ZBTB44: variants seen among roughly 807,000 people sequenced by gnomAD.
ZBTB44 encodes the protein zinc finger and BTB domain-containing protein 44.
In ZBTB44, 15 loss-of-function variants were observed where a neutral mutation model predicts 54.0. That is an observed-to-expected ratio of 0.28 (90% CI 0.19 to 0.43). The LOEUF is 0.43. Ranked by LOEUF, ZBTB44 falls within the 20% of genes least tolerant of loss-of-function variation. The probability of loss-of-function intolerance (pLI) is 1.00; values close to 1 mark genes in which losing one functional copy is unlikely to be tolerated. For missense variants in ZBTB44, 487 were observed against 707.1 expected, an observed-to-expected ratio of 0.69 and a Z score of 3.53; for synonymous variants, 230 against 250.1, an observed-to-expected ratio of 0.92 and a Z score of 0.76.
At chr11:130,269,395 G>A (rs1286207469) in intron 1 of ZBTB44, among the ~76,000 whole-genome samples, 1 of 152,170 alleles carries the variant, frequency 6.6e-6, no homozygotes, top group African/African-American at 2.4e-5. Context: ...GTAAAGATCA[G>A]TATTAACTAC....
chr11:130,236,110 A>AT, intron 5 of ZBTB44: 1 of 1,281,592 alleles, frequency 7.8e-7, no homozygotes. Context: ...TAAAGCTTAC[A>AT]TTTTATCTTT....
Position 130,227,303 on chromosome 11 carries a change from A to G in ZBTB44, c.*4461T>C, listed in dbSNP as rs1953727773. On this transcript the variant is annotated 3_prime_UTR_variant, in exon 8 of 8. Transcript: ENST00000357899. ...TTAGCTATGGCCAGTGTCACCAAGTAAAGCCATACTTGAATGAGATGACGA... is the reference window on the plus strand; with the variant it reads ...TTAGCTATGGCCAGTGTCACCAAGTGAAGCCATACTTGAATGAGATGACGA... 6.6e-6 allele frequency: 1 copy of G among 152,194 alleles called. No individual in the cohort carries two copies. Among genetic ancestry groups the G allele is most frequent in the Admixed American group, 6.5e-5 (1 of 15,278 alleles). The allele number at this position is 152,194 out of a possible 1,614,324, so 9.4% of individuals were successfully genotyped here. A position where few individuals can be genotyped will look rare whatever the true frequency, so the allele number is the denominator to read the frequency against.
rs1222800596 is a variant in ZBTB44 at position 130,231,157 on chromosome 11, G to C, written c.*607C>G. On this transcript the variant is annotated 3_prime_UTR_variant, in exon 8 of 8. Transcript: ENST00000357899. Reference sequence around the variant, plus strand: ...TTCAATATGTCCTGGTAAAAATTATGCATCTAGGCATCCCTAAGATGAATT... The same window carrying C: ...TTCAATATGTCCTGGTAAAAATTATCCATCTAGGCATCCCTAAGATGAATT... 1 of 152,002 alleles carries C rather than the reference G, an allele frequency of 6.6e-6. No individual in the cohort carries two copies. The highest frequency in any genetic ancestry group is 2.4e-5 in the African/African-American group (1 of 41,416). The allele number at this position is 152,002 out of a possible 1,614,324, so 9.4% of individuals were successfully genotyped here. A position where few individuals can be genotyped will look rare whatever the true frequency, so the allele number is the denominator to read the frequency against.
intron 1 of ZBTB44, among the ~76,000 whole-genome samples, chr11:130,271,267 T>G (rs1302247467): frequency 1.3e-5 from 2 of 152,186 alleles, no homozygotes; most frequent in African/African-American, 2.4e-5. Context: ...GAAATGATAA[T>G]GTACTTAATC....
rs576860737 is a variant in ZBTB44 at position 130,250,331 on chromosome 11, C to T, written c.1019-10435G>A. Among the ~76,000 whole-genome samples, 9 of 152,292 alleles carry T rather than the reference C, an allele frequency of 5.9e-5. No individual in the cohort carries two copies. In the South Asian group the frequency reaches 6.2e-4, roughly 11 times the overall value. ...ACCTGGGAGAAGGGGCGGCTGTGGG[C>T]GCAGCTTCAGTGGACTTAAACGTCC... On this transcript the variant is annotated intron_variant, in intron 2 of 7. Coordinates refer to ENST00000357899, the MANE Select transcript of ZBTB44 (RefSeq NM_001301098.2).
chr11:130,246,284 C>T (rs1300927167), intron 2 of ZBTB44, among the ~76,000 whole-genome samples: 3 of 152,122 alleles, frequency 2.0e-5, no homozygotes, highest in African/African-American at 7.2e-5. Flanking sequence ...TATATACACA[C>T]ACACATATAT....
chr11:130,255,157 G>T (rs560845831), intron 2 of ZBTB44, among the ~76,000 whole-genome samples: 51 of 152,108 alleles, frequency 3.4e-4, no homozygotes, highest in African/African-American at 1.2e-3. Context: ...ACACCAACAT[G>T]GCACATGTAT....
At chr11:130,306,103 TAATA>T (rs1200035269) in intron 1 of ZBTB44, among the ~76,000 whole-genome samples, 1 of 151,676 alleles carries the variant, frequency 6.6e-6, no homozygotes, top group Non-Finnish European at 1.5e-5. Flanking sequence ...AAATTAAAAA[TAATA>T]AATATTGGCA....
chr11:130,304,472 G>A (rs1019049881), intron 1 of ZBTB44, among the ~76,000 whole-genome samples: 3 of 152,100 alleles, frequency 2.0e-5, no homozygotes, highest in Admixed American at 6.5e-5. Context: ...TTTAATGCTT[G>A]ACCATTTTCA....
At position 130,255,532 on chromosome 11, in the gene ZBTB44, G is replaced by A. The variant is rs557303207; in HGVS notation, c.1018+5324C>T. Among the ~76,000 whole-genome samples, 27 of 152,224 alleles carry A rather than the reference G, an allele frequency of 1.8e-4. No homozygotes were observed. In the South Asian group the frequency reaches 5.0e-3, roughly 28 times the overall value. On this transcript the variant is annotated intron_variant, in intron 2 of 7. Transcript: ENST00000357899. ...GAGCAAACAAATTCAAAAGCTAGCA[G>A]AAGACAAGAAATAACTAAGAACAGA...
intron 1 of ZBTB44, among the ~76,000 whole-genome samples, chr11:130,312,557 A>G (rs1942671682): frequency 6.6e-6 from 1 of 152,238 alleles, no homozygotes; most frequent in East Asian, 1.9e-4. Context: ...AGGAGGGCAC[A>G]AATCCAGAAT....
intron 1 of ZBTB44, among the ~76,000 whole-genome samples, chr11:130,268,373 G>T (rs912528141): frequency 5.3e-5 from 8 of 152,106 alleles, no homozygotes; most frequent in Non-Finnish European, 1.0e-4. Flanking sequence ...CAATATCAAG[G>T]CAAGACCTTC....
intron 1 of ZBTB44, among the ~76,000 whole-genome samples, chr11:130,274,274 A>G (rs962696521): frequency 2.6e-5 from 4 of 152,126 alleles, no homozygotes; most frequent in Non-Finnish European, 5.9e-5. Flanking sequence ...ACATTTTTGG[A>G]TTTGGGATGC....
At chr11:130,269,383 G>A (rs1939507374) in intron 1 of ZBTB44, among the ~76,000 whole-genome samples, 1 of 152,158 alleles carries the variant, frequency 6.6e-6, no homozygotes, top group African/African-American at 2.4e-5. Flanking sequence ...TAAAATTCTT[G>A]AGTAAAGATC....
At chr11:130,235,830 C>T (rs896721713) in intron 5 of ZBTB44, among the ~76,000 whole-genome samples, 1 of 151,974 alleles carries the variant, frequency 6.6e-6, no homozygotes, top group Admixed American at 6.6e-5. Context: ...GGTGAAACCC[C>T]ATCTCTACTA....
Position 130,296,823 on chromosome 11 carries a change from T to C in ZBTB44, c.-57+17552A>G. 2 of 746,970 alleles carry C rather than the reference T, an allele frequency of 2.7e-6. 1 individual carries two copies. The highest frequency in any genetic ancestry group is 2.8e-5 in the South Asian group (2 of 71,934). 46.3% of individuals were successfully genotyped at this position (746,970 alleles called of 1,614,324 possible). ...ATACATATGAGGTTATGATTCCCAT[T>C]CTCTGAAACAGATCTTTAATGTAAA... On this transcript the variant is annotated intron_variant, in intron 1 of 7. Coordinates refer to ENST00000357899, the MANE Select transcript of ZBTB44 (RefSeq NM_001301098.2).
intron 1 of ZBTB44, among the ~76,000 whole-genome samples, chr11:130,298,777 T>C (rs1941820789): frequency 6.6e-6 from 1 of 151,942 alleles, no homozygotes; most frequent in African/African-American, 2.4e-5. Flanking sequence ...TTGAAGATTT[T>C]AATATCACCT....
chr11:130,266,186 G>C (rs1939237103), intron 1 of ZBTB44, among the ~76,000 whole-genome samples: 1 of 152,174 alleles, frequency 6.6e-6, no homozygotes, highest in Admixed American at 6.5e-5. Context: ...TAACGATTAG[G>C]CTCAATCTAT....
chr11:130,278,583 T>G (rs1311540010), intron 1 of ZBTB44, among the ~76,000 whole-genome samples: 1 of 152,206 alleles, frequency 6.6e-6, no homozygotes, highest in African/African-American at 2.4e-5. Context: ...TTTAATGGTA[T>G]GTGGGATGGT....
Sources: allele counts gnomAD v4.1 joint callset (sites outside exome capture counted in the v4.1 genomes callset), GRCh38; gene constraint gnomAD v4.1.1; transcripts MANE v1.5; gene names NCBI Gene and HGNC (gene_info 2026-07-23, HGNC 2026-07-21).